The following SLC24A2 variants were observed in gnomAD, a reference collection of about 807,000 sequenced individuals.
SLC24A2 encodes solute carrier family 24 member 2.
Under a neutral mutation model 62.0 loss-of-function variants are expected in SLC24A2, and 36 were observed. That is an observed-to-expected ratio of 0.58 (90% confidence interval 0.44 to 0.77). The LOEUF (loss-of-function observed/expected upper bound fraction) is 0.77, where lower values mean the gene tolerates loss of function less well. SLC24A2 is among the 30% of genes least tolerant of loss of function. The pLI is 0.00. For synonymous variants in SLC24A2, 358 were observed against 294.0 expected, an observed-to-expected ratio of 1.22 and a Z score of -2.23; for missense variants, 846 against 817.9, an observed-to-expected ratio of 1.03 and a Z score of -0.42.
chr9:19,928,356 T>C, the SLC24A2 span: 1 of 152,328 alleles, frequency 6.6e-6, no homozygotes, highest in East Asian at 1.9e-4. Flanking sequence ...TGTATACAGC[T>C]AGAGTCTAAA....
chr9:19,900,120 C>T, the SLC24A2 span, among the ~76,000 whole-genome samples: 4 of 152,160 alleles, frequency 2.6e-5, no homozygotes, highest in Admixed American at 2.6e-4. Context: ...GCTGTCTGGC[C>T]CTGTTAAGCC....
At chr9:19,591,799 A>AAAAT (rs1346111231) in intron 5 of SLC24A2, among the ~76,000 whole-genome samples, 1 of 152,246 alleles carries the variant, frequency 6.6e-6, no homozygotes, top group Non-Finnish European at 1.5e-5. Flanking sequence ...ACTTGAGAGA[A>AAAAT]AAATAAACTT....
the SLC24A2 span, among the ~76,000 whole-genome samples, chr9:19,833,812 T>G: frequency 2.0e-5 from 3 of 152,234 alleles, no homozygotes; most frequent in South Asian, 2.1e-4. Flanking sequence ...GTAGCCTAAC[T>G]GGGGGGCACC....
intron 2 of SLC24A2, among the ~76,000 whole-genome samples, chr9:19,747,412 T>C (rs1821863912): frequency 6.6e-6 from 1 of 152,208 alleles, no homozygotes. Flanking sequence ...TGTTACATTA[T>C]GCAAGTCCTT....
At position 19,636,360 on chromosome 9, in the gene SLC24A2, T is replaced by C. The variant is rs1448881831; in HGVS notation, c.931-14061A>G. ...CTTTCTTTCTTTCTTTCTTTCTTTC[T>C]TTCTTTCTTTCTTTCTTTCTTTCTT... On this transcript the variant is annotated intron_variant, in intron 2 of 10. Coordinates refer to ENST00000341998, the MANE Select transcript of SLC24A2 (RefSeq NM_020344.4). Among the ~76,000 whole-genome samples, 13 of 39,388 alleles carry C rather than the reference T, an allele frequency of 3.3e-4. 2 individuals are homozygous for C. The highest frequency in any genetic ancestry group is 1.5e-3 in the African/African-American group (13 of 8,444). 25.8% of individuals were successfully genotyped at this position (39,388 alleles called of 152,430 possible).
intron 2 of SLC24A2, among the ~76,000 whole-genome samples, chr9:19,679,862 G>GTT (rs1273868026): frequency 6.6e-6 from 1 of 151,406 alleles, no homozygotes. Flanking sequence ...GTGTGTGTGT[G>GTT]TGTGTGTGTG....
the SLC24A2 span, among the ~76,000 whole-genome samples, chr9:20,256,632 C>T: frequency 6.6e-6 from 1 of 152,088 alleles, no homozygotes; most frequent in Non-Finnish European, 1.5e-5. Context: ...ATTATAAATG[C>T]TGTGGGATTC....
chr9:19,583,260 C>T (rs1336728128), intron 5 of SLC24A2, among the ~76,000 whole-genome samples: 1 of 152,164 alleles, frequency 6.6e-6, no homozygotes, highest in Non-Finnish European at 1.5e-5. Flanking sequence ...ATTGTCTGGC[C>T]CCTCTACCTG....
At chr9:19,961,137 AGG>A in the SLC24A2 span, among the ~76,000 whole-genome samples, 1 of 71,950 alleles carries the variant, frequency 1.4e-5, no homozygotes, top group Non-Finnish European at 3.2e-5. Flanking sequence ...GACAGAAGAA[AGG>A]GGAGAGAGAG....
the SLC24A2 span, among the ~76,000 whole-genome samples, chr9:20,000,045 C>G: frequency 6.6e-6 from 1 of 152,160 alleles, no homozygotes; most frequent in South Asian, 2.1e-4. Flanking sequence ...TGGGGTTACA[C>G]AGACCTGTGC....
At chr9:19,864,062 C>T in the SLC24A2 span, among the ~76,000 whole-genome samples, 1 of 151,682 alleles carries the variant, frequency 6.6e-6, no homozygotes, top group Non-Finnish European at 1.5e-5. Flanking sequence ...AACTACATGC[C>T]AATAAACTGG....
At chr9:19,605,525 G>A (rs7855382) in intron 4 of SLC24A2, among the ~76,000 whole-genome samples, 2 of 151,924 alleles carry the variant, frequency 1.3e-5, no homozygotes, top group Non-Finnish European at 2.9e-5. Context: ...ATAGAAAATC[G>A]GTTCCCATGT....
the SLC24A2 span, among the ~76,000 whole-genome samples, chr9:19,817,992 C>T: frequency 6.6e-6 from 1 of 152,066 alleles, no homozygotes; most frequent in East Asian, 1.9e-4. Flanking sequence ...AAGTAATCCT[C>T]CCACTTTAGC....
the SLC24A2 span, among the ~76,000 whole-genome samples, chr9:20,157,358 T>C: frequency 2.0e-5 from 3 of 151,672 alleles, no homozygotes; most frequent in African/African-American, 7.3e-5. Context: ...TTAAAATTTC[T>C]ACAGAGCTCC....
the SLC24A2 span, among the ~76,000 whole-genome samples, chr9:20,105,720 G>A: frequency 1.3e-5 from 2 of 151,888 alleles, no homozygotes; most frequent in African/African-American, 4.8e-5. Context: ...GAAATTTATA[G>A]CACTAAATGC....
rs72702420 is a variant in SLC24A2 at position 19,635,020 on chromosome 9, G to A, written c.931-12721C>T. Among the ~76,000 whole-genome samples the A allele has an allele frequency of 6.6e-3, 1,005 of 152,250 alleles. 5 individuals carry two copies. The highest frequency in any genetic ancestry group is 0.011 in the Non-Finnish European group (778 of 68,014). On this transcript the variant is annotated intron_variant, in intron 2 of 10. Coordinates refer to ENST00000341998, the MANE Select transcript of SLC24A2 (RefSeq NM_020344.4). ...AATTCTGGTTCCAGACAGTAGCTGT[G>A]GTTTCCTAGGACATATCTTATCTGT... is the stretch of plus-strand genomic sequence containing the variant.
the SLC24A2 span, among the ~76,000 whole-genome samples, chr9:19,839,299 T>C: frequency 6.6e-6 from 1 of 152,200 alleles, no homozygotes; most frequent in Non-Finnish European, 1.5e-5. Context: ...GGTGTGACTG[T>C]AAACTAGTTT....
At chr9:19,980,485 A>G in the SLC24A2 span, among the ~76,000 whole-genome samples, 2 of 152,212 alleles carry the variant, frequency 1.3e-5, no homozygotes, top group East Asian at 1.9e-4. Context: ...TGAGAATTAC[A>G]TGAAAAGACA....
the SLC24A2 span, among the ~76,000 whole-genome samples, chr9:19,898,642 T>A: frequency 6.8e-6 from 1 of 147,192 alleles, no homozygotes; most frequent in Non-Finnish European, 1.5e-5. Flanking sequence ...CTCGGGAGGC[T>A]AAGGCAGGAG....
Sources: gnomAD v4.1 joint callset for allele counts (sites outside exome capture counted in the v4.1 genomes callset) on GRCh38, gnomAD v4.1.1 for gene constraint, MANE v1.5 for transcripts, NCBI Gene and HGNC (gene_info 2026-07-23, HGNC 2026-07-21) for gene names.